The following USP10 variants were observed in gnomAD, a reference collection of about 807,000 sequenced individuals.
USP10 encodes the protein ubiquitin carboxyl-terminal hydrolase 10.
Under a neutral mutation model 84.5 loss-of-function variants are expected in USP10, and 22 were observed. That is an observed-to-expected ratio of 0.26 (90% CI 0.19 to 0.37). The LOEUF (loss-of-function observed/expected upper bound fraction) is 0.37, where lower values mean the gene tolerates loss of function less well. Ranked by LOEUF, USP10 falls within the 10% of genes least tolerant of loss-of-function variation. The pLI is 1.00. For missense variants in USP10, 1,019 were observed against 998.9 expected (o/e 1.02, Z -0.27); for synonymous variants, 454 against 387.6 (o/e 1.17, Z -2.01).
At chr16:84,752,571 A>G (rs1407594909) in intron 4 of USP10, among the ~76,000 whole-genome samples, 1 of 152,242 alleles carries the variant, frequency 6.6e-6, no homozygotes, top group African/African-American at 2.4e-5. Context: ...GAGGAATTTA[A>G]ATAGAGCGAA....
chr16:84,720,892 A>AATTT (rs1309715008), intron 1 of USP10, among the ~76,000 whole-genome samples: 4 of 131,104 alleles, frequency 3.1e-5, no homozygotes, highest in African/African-American at 1.2e-4. Context: ...AATGATGCAC[A>AATTT]ATTTTTTTTT....
chr16:84,700,116 C>A lies in USP10; in HGVS notation c.21+5C>A. ...ATGGCCCTCCACAGCCCGCAGGTAG[C>A]CGCCGGTCTGCGCCTTCGGCCGGAA... is the stretch of plus-strand genomic sequence containing the variant. On this transcript the variant is annotated splice_donor_5th_base_variant and intron_variant, in intron 1 of 13. Transcript: ENST00000219473. 7.4e-7 allele frequency: 1 copy of A among 1,349,092 alleles called. No individual in the cohort carries two copies. 83.6% of individuals were successfully genotyped at this position (1,349,092 alleles called of 1,614,324 possible). A position where few individuals can be genotyped will look rare whatever the true frequency, so the allele number is the denominator to read the frequency against.
chr16:84,750,154 T>A (rs1228404661), intron 4 of USP10, among the ~76,000 whole-genome samples: 1 of 152,162 alleles, frequency 6.6e-6, no homozygotes, highest in Non-Finnish European at 1.5e-5. Context: ...ACGCCTGTAA[T>A]CCCAGCACTT....
intron 1 of USP10, chr16:84,732,944 A>G (rs376281243): frequency 2.4e-5 from 9 of 381,670 alleles, no homozygotes; most frequent in African/African-American, 1.7e-4. Context: ...TTTTTAAACT[A>G]AGAAGTTATA....
rs1597388686 is a variant in USP10, at chr16:84,764,035, T to C, written c.1655-51T>C. The C allele has an allele frequency of 7.8e-6, 12 of 1,533,028 alleles. No homozygotes were observed. The East Asian group carries it at 2.8e-4, about 36-fold the overall frequency. The allele number at this position is 1,533,028 out of a possible 1,614,324, so 95.0% of individuals were successfully genotyped here. On this transcript the variant is annotated intron_variant, in intron 9 of 13. Transcript: ENST00000219473. ...TCGACAGATCTGTGCCTTTTTTTTT[T>C]TTGCTGTTCTTGTCGTAAATAGTAG...
chr16:84,754,841 GT>G lies in USP10; in HGVS notation c.1193-3873del, dbSNP rs767967072. On this transcript the variant is annotated intron_variant, in intron 4 of 13. Transcript: ENST00000219473. ...CAGATTATTCTGGGCCCCTAACTCAGTTAAGAACATGAAAGGAGGCCAGGCA... is the reference window on the plus strand; with the variant it reads ...CAGATTATTCTGGGCCCCTAACTCAGTAAGAACATGAAAGGAGGCCAGGCA... 2.1e-4 allele frequency among the ~76,000 whole-genome samples: 32 copies of G among 152,264 alleles called. No homozygotes were observed. In the South Asian group the frequency reaches 4.4e-3, roughly 21 times the overall value.
chr16:84,733,577 T>C (rs1909519080), intron 2 of USP10, 74 bp downstream of exon 2: 1 of 1,171,824 alleles, frequency 8.5e-7, no homozygotes, highest in South Asian at 1.5e-5. Flanking sequence ...TTAATTTGTT[T>C]TTTTAAATAA....
intron 1 of USP10, among the ~76,000 whole-genome samples, chr16:84,726,692 C>A (rs1438961891): frequency 6.6e-6 from 1 of 152,128 alleles, no homozygotes; most frequent in African/African-American, 2.4e-5. Flanking sequence ...TTTTGAAAGC[C>A]CGGGATGGAG....
chr16:84,725,508 C>T (rs1218081542), intron 1 of USP10, among the ~76,000 whole-genome samples: 1 of 152,178 alleles, frequency 6.6e-6, no homozygotes, highest in Non-Finnish European at 1.5e-5. Flanking sequence ...TCAAGCAATT[C>T]TCCTGCCTCA....
chr16:84,738,969 G>A (rs1013236352), intron 2 of USP10, among the ~76,000 whole-genome samples: 39 of 152,292 alleles, frequency 2.6e-4, no homozygotes, highest in African/African-American at 7.7e-4. Context: ...CAGACTTTGG[G>A]AAGTGCTGCA....
chr16:84,750,488 T>A (rs116910794), intron 4 of USP10, among the ~76,000 whole-genome samples: 1 of 152,196 alleles, frequency 6.6e-6, no homozygotes, highest in South Asian at 2.1e-4. Flanking sequence ...AGAGTGAGTA[T>A]GGCAGACACG....
intron 4 of USP10, among the ~76,000 whole-genome samples, chr16:84,751,935 T>C (rs1334441105): frequency 6.6e-6 from 1 of 152,210 alleles, no homozygotes; most frequent in East Asian, 1.9e-4. Context: ...CATAAAAGTT[T>C]ACGATGCTGG....
rs776552578 is a variant in USP10, at chr16:84,744,826, C to T, written c.345C>T (p.Cys115=). 25 of 1,613,576 alleles carry T rather than the reference C, an allele frequency of 1.5e-5. No homozygotes were observed. Among genetic ancestry groups the T allele is most frequent in the Middle Eastern group, 3.3e-4 (2 of 6,078 alleles). ...TKEASYGSID[C]QYPGSALALD... The stretch of plus-strand genomic sequence containing the variant: ...AAGCAAGCTATGGCTCCATCGACTG[C>T]CAGTACCCAGGCTCTGCCCTCGCTT... Residue 115 remains cysteine, a synonymous_variant, in exon 4 of 14, where the codon TGC becomes TGT. Transcript: ENST00000219473.
chr16:84,712,032 T>G (rs1473764385), intron 1 of USP10, among the ~76,000 whole-genome samples: 1 of 152,166 alleles, frequency 6.6e-6, no homozygotes, highest in Non-Finnish European at 1.5e-5. Context: ...TTTTGCTTTT[T>G]AAGGTGGACA....
At chr16:84,731,518 C>G (rs1567609072) in intron 1 of USP10, among the ~76,000 whole-genome samples, 1 of 151,980 alleles carries the variant, frequency 6.6e-6, no homozygotes. Context: ...TTCCTTTCCT[C>G]CCCCCAAGAA....
At chr16:84,707,429 A>ACGTATTTT (rs1322900613) in intron 1 of USP10, among the ~76,000 whole-genome samples, 2 of 152,184 alleles carry the variant, frequency 1.3e-5, no homozygotes, top group African/African-American at 4.8e-5. Context: ...AACAGCACAG[A>ACGTATTTT]CGTATTTAAA....
At chr16:84,713,218 G>T (rs1317614347) in intron 1 of USP10, among the ~76,000 whole-genome samples, 1 of 152,170 alleles carries the variant, frequency 6.6e-6, no homozygotes, top group African/African-American at 2.4e-5. Context: ...ACTCAGCTAT[G>T]TGCCAGGCAT....
intron 4 of USP10, 138 bp downstream of exon 4, chr16:84,745,811 T>A: frequency 1.1e-6 from 1 of 902,616 alleles, no homozygotes; most frequent in Non-Finnish European, 1.6e-6. Context: ...GCCTATGTCT[T>A]AAATGTTCTC....
intron 1 of USP10, among the ~76,000 whole-genome samples, chr16:84,703,375 G>T (rs1183268997): frequency 6.6e-6 from 1 of 152,198 alleles, no homozygotes; most frequent in Admixed American, 6.5e-5. Context: ...ATGTCATGCA[G>T]TTGGCTTCTG....
Sources: gnomAD v4.1 joint callset for allele counts (sites outside exome capture counted in the v4.1 genomes callset) on GRCh38, gnomAD v4.1.1 for gene constraint, MANE v1.5 for transcripts, NCBI Gene and HGNC (gene_info 2026-07-23, HGNC 2026-07-21) for gene names.